Variants in SDK1 observed in about 807,000 individuals in gnomAD.
The protein encoded by SDK1 is sidekick cell adhesion molecule 1.
A neutral mutation model predicts 245.5 loss-of-function variants in SDK1; 157 were observed. The observed-to-expected ratio is 0.64, with a 90% CI of 0.56 to 0.73. SDK1 has a LOEUF of 0.73. Ranked by LOEUF, SDK1 falls within the 30% of genes least tolerant of loss-of-function variation. The probability of loss-of-function intolerance (pLI) is 0.00; values close to 1 mark genes in which losing one functional copy is unlikely to be tolerated. For synonymous variants in SDK1, 1,647 were observed against 1,278.5 expected, an observed-to-expected ratio of 1.29 and a Z score of -6.15; for missense variants, 3,583 against 3,002.3, an observed-to-expected ratio of 1.19 and a Z score of -4.52.
chr7:3,736,850 T>C (rs1333897472), intron 4 of SDK1, among the ~76,000 whole-genome samples: 1 of 152,234 alleles, frequency 6.6e-6, no homozygotes, highest in Non-Finnish European at 1.5e-5. Flanking sequence ...TACAGTATTA[T>C]TAACTGCAGT....
intron 1 of SDK1, among the ~76,000 whole-genome samples, chr7:3,475,758 T>G (rs560098419): frequency 6.6e-6 from 1 of 152,300 alleles, no homozygotes; most frequent in South Asian, 2.1e-4. Flanking sequence ...TGAAGTATAT[T>G]ATATTTGTAC....
At chr7:3,528,250 G>C (rs1288304196) in intron 1 of SDK1, among the ~76,000 whole-genome samples, 5 of 144,454 alleles carry the variant, frequency 3.5e-5, no homozygotes, top group Non-Finnish European at 7.6e-5. Context: ...ATGATATTCA[G>C]CTAGGGGGTG....
At chr7:3,413,177 C>T (rs1220266006) in intron 1 of SDK1, among the ~76,000 whole-genome samples, 1 of 152,076 alleles carries the variant, frequency 6.6e-6, no homozygotes, top group Non-Finnish European at 1.5e-5. Flanking sequence ...TCTTGGGTGG[C>T]AGTAGCAGGA....
At chr7:3,684,515 T>C (rs1784215618) in intron 4 of SDK1, among the ~76,000 whole-genome samples, 1 of 152,194 alleles carries the variant, frequency 6.6e-6, no homozygotes, top group African/African-American at 2.4e-5. Context: ...CCACAATGGG[T>C]AAGCCCACTA....
At chr7:3,445,563 G>A (rs1393222905) in intron 1 of SDK1, among the ~76,000 whole-genome samples, 1 of 152,124 alleles carries the variant, frequency 6.6e-6, no homozygotes, top group Non-Finnish European at 1.5e-5. Context: ...AGCTCTTTGT[G>A]CTCCTCACCT....
intron 1 of SDK1, among the ~76,000 whole-genome samples, chr7:3,526,951 G>T (rs1325983001): frequency 6.6e-6 from 1 of 152,136 alleles, no homozygotes; most frequent in Non-Finnish European, 1.5e-5. Flanking sequence ...TGTTCAGACA[G>T]GAGGTTGTCA....
chr7:4,100,227 G>A (rs1194628393), intron 22 of SDK1, among the ~76,000 whole-genome samples: 1 of 152,224 alleles, frequency 6.6e-6, no homozygotes, highest in Non-Finnish European at 1.5e-5. Context: ...AGGGACAGAT[G>A]CGGATGGGGA....
chr7:3,494,206 G>A (rs999772040), intron 1 of SDK1, among the ~76,000 whole-genome samples: 3 of 152,020 alleles, frequency 2.0e-5, no homozygotes, highest in African/African-American at 7.2e-5. Flanking sequence ...AAAACTTTTA[G>A]GAGCTTTTAT....
intron 22 of SDK1, among the ~76,000 whole-genome samples, chr7:4,109,077 C>G (rs74944924): frequency 6.6e-6 from 1 of 152,146 alleles, no homozygotes; most frequent in Non-Finnish European, 1.5e-5. Context: ...CAGTGCTGGG[C>G]GTTTGCCTTG....
intron 19 of SDK1, among the ~76,000 whole-genome samples, chr7:4,062,128 A>T (rs1446579345): frequency 1.3e-5 from 2 of 151,528 alleles, no homozygotes; most frequent in African/African-American, 4.8e-5. Flanking sequence ...AACTTAAAGT[A>T]TAATAATAAT....
At chr7:3,699,237 A>C (rs1024986424) in intron 4 of SDK1, among the ~76,000 whole-genome samples, 1 of 152,228 alleles carries the variant, frequency 6.6e-6, no homozygotes, top group African/African-American at 2.4e-5. Context: ...TGATCATAAC[A>C]AGAACCAAGA....
Position 3,748,994 on chromosome 7 carries a change from C to A in SDK1, c.714-72456C>A, listed in dbSNP as rs189666435. On this transcript the variant is annotated intron_variant, in intron 4 of 44. Coordinates refer to ENST00000404826, the MANE Select transcript of SDK1 (RefSeq NM_152744.4). ...CTAGGAAAAAAAATCAACCAACCAA[C>A]CAACCCAACTCACACTTAGATGGAG... Among the ~76,000 whole-genome samples the A allele has an allele frequency of 2.2e-3, 342 of 152,264 alleles. 4 individuals are homozygous for A. The highest frequency in any genetic ancestry group is 1.2e-3 in the Non-Finnish European group (79 of 68,020).
At chr7:4,100,112 C>T (rs939595359) in intron 22 of SDK1, among the ~76,000 whole-genome samples, 1 of 152,316 alleles carries the variant, frequency 6.6e-6, no homozygotes, top group African/African-American at 2.4e-5. Context: ...TCCTCACCAG[C>T]GTTTCAGGAA....
rs562895439 is a variant in SDK1 at position 3,988,570 on chromosome 7, T to C, written c.2131+1248T>C. On this transcript the variant is annotated intron_variant, in intron 14 of 44. Transcript: ENST00000404826. ...GGTCACCCTGGGCTACTGTGCTCTT[T>C]CTCCACACCGGTCAGCCACACGGGA... Among the ~76,000 whole-genome samples the C allele has an allele frequency of 4.6e-5, 7 of 152,224 alleles. No homozygotes were observed. The East Asian group carries it at 1.4e-3, about 29-fold the overall frequency.
intron 4 of SDK1, among the ~76,000 whole-genome samples, chr7:3,727,835 A>G (rs1779056876): frequency 6.6e-6 from 1 of 152,050 alleles, no homozygotes; most frequent in African/African-American, 2.4e-5. Context: ...ATATTAACCA[A>G]GCGAGGTCCA....
At chr7:3,753,605 G>A (rs1779835819) in intron 4 of SDK1, among the ~76,000 whole-genome samples, 1 of 152,186 alleles carries the variant, frequency 6.6e-6, no homozygotes. Flanking sequence ...GGAGCCTTAA[G>A]GGTGAACAGC....
intron 1 of SDK1, among the ~76,000 whole-genome samples, chr7:3,555,887 A>G (rs1779572711): frequency 6.6e-6 from 1 of 152,192 alleles, no homozygotes; most frequent in African/African-American, 2.4e-5. Flanking sequence ...CTCCAGTTAA[A>G]ATGGCTTTTA....
rs1344826581 is a variant in SDK1, at chr7:3,301,409, C to G, written c.-178C>G. ...TCTTCTCGCCCGGCTCGTCCCCGGC[C>G]CGCGCCGCGCCCCTCACGCGGGGAC... On this transcript the variant is annotated 5_prime_UTR_variant, in exon 1 of 45. Coordinates refer to ENST00000404826, the MANE Select transcript of SDK1 (RefSeq NM_152744.4). 1 of 149,546 alleles carries G rather than the reference C, an allele frequency of 6.7e-6. No homozygotes were observed. The highest frequency in any genetic ancestry group is 2.5e-5 in the African/African-American group (1 of 40,786). 9.3% of individuals were successfully genotyped at this position (149,546 alleles called of 1,614,324 possible).
intron 11 of SDK1, 107 bp downstream of exon 11, chr7:3,969,531 C>A: frequency 2.6e-6 from 2 of 754,966 alleles, no homozygotes; most frequent in South Asian, 4.6e-5. Flanking sequence ...CTAATTTAAT[C>A]AAAAGAGAAT....
Sources: allele counts gnomAD v4.1 joint callset (sites outside exome capture counted in the v4.1 genomes callset), GRCh38; gene constraint gnomAD v4.1.1; transcripts MANE v1.5; gene names NCBI Gene and HGNC (gene_info 2026-07-23, HGNC 2026-07-21).